MMS22L: variants seen among roughly 807,000 people sequenced by gnomAD.
MMS22L encodes MMS22 like, DNA repair protein.
In MMS22L, 74 loss-of-function variants were observed where a neutral mutation model predicts 159.1. The observed-to-expected ratio is 0.47, with a 90% CI of 0.39 to 0.56. MMS22L has a LOEUF of 0.56. Among genes scored for constraint, MMS22L ranks in the 20% least tolerant of loss-of-function variants. The probability of loss-of-function intolerance (pLI) is 0.00; values close to 1 mark genes in which losing one functional copy is unlikely to be tolerated. For synonymous variants in MMS22L, 517 were observed against 506.9 expected, an observed-to-expected ratio of 1.02 and a Z score of -0.27; for missense variants, 1,351 against 1,422.1, an observed-to-expected ratio of 0.95 and a Z score of 0.80.
chr6:97,243,844 C>T (rs1230622840), intron 11 of MMS22L, among the ~76,000 whole-genome samples: 2 of 152,058 alleles, frequency 1.3e-5, no homozygotes, highest in African/African-American at 4.8e-5. Context: ...TGGGTCTAGT[C>T]ACCCAGCAGA....
chr6:97,270,149 G>C (rs1815568648), intron 6 of MMS22L, 157 bp from the exon 7 acceptor site: 1 of 656,870 alleles, frequency 1.5e-6, no homozygotes, highest in Non-Finnish European at 2.7e-6. Context: ...TTGTTCATTA[G>C]AGGATTCTTT....
At chr6:97,176,002 G>T (rs1804076812) in intron 18 of MMS22L, among the ~76,000 whole-genome samples, 1 of 152,168 alleles carries the variant, frequency 6.6e-6, no homozygotes, top group Admixed American at 6.5e-5. Flanking sequence ...GCTTTGGTAT[G>T]CAGCAAAAGT....
chr6:97,192,159 G>C (rs899165596), intron 14 of MMS22L, among the ~76,000 whole-genome samples: 3 of 145,580 alleles, frequency 2.1e-5, no homozygotes, highest in Non-Finnish European at 4.5e-5. Context: ...GGGTAAGTAG[G>C]TGGTAGACGG....
At chr6:97,227,892 C>T (rs1033125717) in intron 14 of MMS22L, among the ~76,000 whole-genome samples, 2 of 152,166 alleles carry the variant, frequency 1.3e-5, no homozygotes, top group African/African-American at 4.8e-5. Context: ...TGTTCTTATC[C>T]ACATCAAGTT....
chr6:97,162,540 A>T (rs1379086923), intron 21 of MMS22L, among the ~76,000 whole-genome samples: 1 of 151,800 alleles, frequency 6.6e-6, no homozygotes, highest in African/African-American at 2.4e-5. Context: ...CATTTTCTCT[A>T]ATGTCAAATT....
chr6:97,246,090 T>C (rs1340125203), intron 11 of MMS22L: 1 of 403,468 alleles, frequency 2.5e-6, no homozygotes, highest in South Asian at 1.9e-5. Context: ...ATGAACAGCA[T>C]GTTTAAAACT....
At chr6:97,278,764 T>C (rs1816478784) in intron 4 of MMS22L, 85 bp downstream of exon 4, 2 of 1,056,272 alleles carry the variant, frequency 1.9e-6, no homozygotes, top group Admixed American at 2.2e-5. Flanking sequence ...TATCATGATA[T>C]GCCAATTATA....
At chr6:97,166,672 C>G (rs1802990788) in intron 20 of MMS22L, among the ~76,000 whole-genome samples, 1 of 152,106 alleles carries the variant, frequency 6.6e-6, no homozygotes. Flanking sequence ...AGACATAGCT[C>G]CAGTTCTACC....
chr6:97,272,207 T>C (rs1815816751), intron 6 of MMS22L: 1 of 151,898 alleles, frequency 6.6e-6, no homozygotes, highest in African/African-American at 2.4e-5. Context: ...TTATCACAGG[T>C]AGGAAAAAAA....
chr6:97,240,018 A>T (rs1387681287), intron 11 of MMS22L, among the ~76,000 whole-genome samples: 1 of 152,138 alleles, frequency 6.6e-6, no homozygotes, highest in African/African-American at 2.4e-5. Flanking sequence ...CAGCAAATGG[A>T]CTCTTTCACC....
chr6:97,232,700 A>G (rs1319526607), intron 12 of MMS22L, among the ~76,000 whole-genome samples: 2 of 152,066 alleles, frequency 1.3e-5, no homozygotes, highest in Non-Finnish European at 1.5e-5. Context: ...CCTCAAGACT[A>G]CAATCAGTCA....
At chr6:97,176,079 G>A (rs1368003139) in intron 18 of MMS22L, among the ~76,000 whole-genome samples, 1 of 152,076 alleles carries the variant, frequency 6.6e-6, no homozygotes, top group African/African-American at 2.4e-5. Context: ...GAGTCAAAAC[G>A]TAATAAAATA....
chr6:97,234,160 A>T (rs1033827784), intron 11 of MMS22L, among the ~76,000 whole-genome samples, 180 bp from the exon 12 acceptor site: 2 of 152,168 alleles, frequency 1.3e-5, no homozygotes, highest in Admixed American at 1.3e-4. Flanking sequence ...TTCCAAAAAC[A>T]TGTTTTAAAC....
intron 10 of MMS22L, among the ~76,000 whole-genome samples, chr6:97,248,348 C>T (rs1395133183): frequency 1.3e-5 from 2 of 152,150 alleles, no homozygotes; most frequent in Non-Finnish European, 2.9e-5. Context: ...CTAGAACCAC[C>T]CAGCTAAGCT....
intron 7 of MMS22L, among the ~76,000 whole-genome samples, chr6:97,268,757 C>T (rs1815418552): frequency 6.6e-6 from 1 of 151,948 alleles, no homozygotes; most frequent in Non-Finnish European, 1.5e-5. Context: ...AGAATAAGTC[C>T]ACTTGAGTAT....
chr6:97,237,581 A>G (rs1236956497), intron 11 of MMS22L, among the ~76,000 whole-genome samples: 1 of 152,178 alleles, frequency 6.6e-6, no homozygotes, highest in Non-Finnish European at 1.5e-5. Context: ...GAAAGATAGA[A>G]TAATACCCAC....
intron 2 of MMS22L, among the ~76,000 whole-genome samples, chr6:97,281,915 T>C (rs1025122611): frequency 6.6e-6 from 1 of 152,274 alleles, no homozygotes; most frequent in South Asian, 2.1e-4. Flanking sequence ...TATGTGCAGG[T>C]AGGATTAGAA....
In MMS22L at chr6:97,269,980, A is replaced by G. The variant is rs146538368; in HGVS notation, c.619T>C (p.Ser207Pro). 3.7e-6 allele frequency: 6 copies of G among 1,611,816 alleles called. No individual in the cohort carries two copies. In the African/African-American group the frequency reaches 6.7e-5, roughly 18 times the overall value. Residue 207 changes from serine to proline, a missense_variant, in exon 7 of 25, where the codon TCA becomes CCA. Physicochemically the swap from Ser to Pro is moderately conservative, Grantham distance 74. Coordinates refer to ENST00000683635, the MANE Select transcript of MMS22L (RefSeq NM_001350599.2). The part of the protein sequence containing the change: ...NQNQIKLFPP[S>P]WHLLHLHLDI... ...AAGTGGAGATGTAATAAATGCCATG[A>G]CGGTGGAAAAAGCTGTGGATGACAT...
intron 6 of MMS22L, chr6:97,272,488 T>G: frequency 4.3e-6 from 2 of 462,998 alleles, no homozygotes; most frequent in Non-Finnish European, 3.8e-6. Flanking sequence ...CATCCAATGA[T>G]TCTGGTAAGT....
Sources: allele counts gnomAD v4.1 joint callset (sites outside exome capture counted in the v4.1 genomes callset), GRCh38; gene constraint gnomAD v4.1.1; transcripts MANE v1.5; gene names NCBI Gene and HGNC (gene_info 2026-07-23, HGNC 2026-07-21).